Variants in DGKD observed in about 807,000 individuals in gnomAD.
DGKD encodes the protein DAG kinase delta.
A neutral mutation model predicts 154.4 loss-of-function variants in DGKD; 68 were observed. That is an observed-to-expected ratio of 0.44 (90% CI 0.36 to 0.54). DGKD has a LOEUF of 0.54. DGKD is among the 20% of genes least tolerant of loss of function. DGKD has a pLI of 0.00. For missense variants in DGKD, 1,343 were observed against 1,593.6 expected (o/e 0.84, Z 2.68); for synonymous variants, 693 against 638.0 (o/e 1.09, Z -1.30).
chr2:233,407,371 T>C (rs936454558), intron 3 of DGKD, among the ~76,000 whole-genome samples: 9 of 152,092 alleles, frequency 5.9e-5, no homozygotes, highest in African/African-American at 1.9e-4. Flanking sequence ...ACAGGAAAAA[T>C]AAAAGTTAAG....
rs1355268826 is a variant in DGKD, at chr2:233,440,263, TC to T, written c.1086-1621del. Among the ~76,000 whole-genome samples, 1 of 152,124 alleles carries T rather than the reference TC, an allele frequency of 6.6e-6. No individual in the cohort carries two copies. The highest frequency in any genetic ancestry group is 2.4e-5 in the African/African-American group (1 of 41,424). ...CCTGGCCTTGACCTGTCACCTCTTC[TC>T]CCGAGAGCAGGGGGCCTTACAGGTG... On this transcript the variant is annotated intron_variant, in intron 9 of 29. Transcript: ENST00000264057. This position sits in a 1 kb window ranked among gnomAD's most constrained non-coding sequence, Gnocchi z 4.9.
intron 8 of DGKD, 71 bp downstream of exon 8, chr2:233,437,550 C>G: frequency 1.4e-6 from 2 of 1,445,950 alleles, no homozygotes; most frequent in Non-Finnish European, 1.9e-6. Context: ...TTTCTCTTCT[C>G]CAGCTCTGGA....
In DGKD at chr2:233,436,419, G is replaced by A. The variant is rs777363824; in HGVS notation, c.797G>A (p.Arg266His). The A allele has an allele frequency of 1.5e-5, 24 of 1,613,276 alleles. No individual in the cohort carries two copies. The highest frequency in any genetic ancestry group is 1.9e-5 in the Non-Finnish European group (22 of 1,179,978). The change falls in exon 7 of 30, where the codon CGC becomes CAC. Residue 266 changes from arginine to histidine, a missense_variant. Coordinates refer to ENST00000264057, the MANE Select transcript of DGKD (RefSeq NM_152879.3). ...CGSVLRLQDWRCLWCKAMVHT... is the reference protein window; with the variant it reads ...CGSVLRLQDWHCLWCKAMVHT... Reference sequence around the variant, plus strand: ...AGTGTGCTGCGCCTGCAGGACTGGCGCTGCCTCTGGTGCAAGGCCATGGTG... The same window carrying A: ...AGTGTGCTGCGCCTGCAGGACTGGCACTGCCTCTGGTGCAAGGCCATGGTG...
rs373570294 is a variant in DGKD at position 233,467,201 on chromosome 2, C to T, written c.3422C>T (p.Pro1141Leu). 1.1e-5 allele frequency: 18 copies of T among 1,609,738 alleles called. No homozygotes were observed. Among genetic ancestry groups the T allele is most frequent in the South Asian group, 5.5e-5 (5 of 91,024 alleles). Residue 1141 changes from proline to leucine, a missense_variant and splice_region_variant, in exon 28 of 30, where the codon CCG (proline) becomes CTG (leucine). Physicochemically the swap from Pro to Leu is moderately conservative, Grantham distance 98 (BLOSUM62 -3). Coordinates refer to ENST00000264057, the MANE Select transcript of DGKD (RefSeq NM_152879.3). The stretch of plus-strand genomic sequence containing the variant: ...GAAGCTCACAGTAGCCTGGGAGCCC[C>T]GGGTACCTGCCTCTCTCCCGCGTGT... ...NKEAHSSLGA[P>L]VHLWGTEEVA...
intron 1 of DGKD, among the ~76,000 whole-genome samples, chr2:233,374,251 A>G (rs1156261714): frequency 1.3e-5 from 2 of 152,234 alleles, no homozygotes; most frequent in African/African-American, 2.4e-5. Context: ...GGGTTTCACC[A>G]TGTTGGCCAG....
intron 18 of DGKD, among the ~76,000 whole-genome samples, chr2:233,453,883 T>C (rs1345709671): frequency 6.6e-6 from 1 of 152,254 alleles, no homozygotes; most frequent in South Asian, 2.1e-4. Context: ...AGCCTTGTGC[T>C]GTGGGGCTGG....
intron 1 of DGKD, among the ~76,000 whole-genome samples, chr2:233,374,634 A>G (rs1352099395): frequency 1.4e-5 from 2 of 147,698 alleles, no homozygotes; most frequent in African/African-American, 2.5e-5. Flanking sequence ...AGCACCTGAC[A>G]ATTTTATTTT....
chr2:233,407,329 C>T (rs986002632), intron 3 of DGKD, among the ~76,000 whole-genome samples: 3 of 152,056 alleles, frequency 2.0e-5, no homozygotes, highest in Admixed American at 1.3e-4. Context: ...AAAAAGTTAT[C>T]CTTAAAAGTT....
At chr2:233,424,818 T>G (rs1424595481) in intron 3 of DGKD, among the ~76,000 whole-genome samples, 2 of 152,214 alleles carry the variant, frequency 1.3e-5, no homozygotes, top group African/African-American at 4.8e-5. Context: ...CGAGACCTTC[T>G]TTGTGCCTCG....
At position 233,357,447 on chromosome 2, in the gene DGKD, C is replaced by T. The variant is rs74355763; in HGVS notation, c.156+2773C>T. 2.1e-3 allele frequency among the ~76,000 whole-genome samples: 321 copies of T among 152,174 alleles called. 4 individuals are homozygous for T. The East Asian group carries it at 0.05, about 24-fold the overall frequency. ...AAATTTTAATGTGCAGACACATCTC[C>T]TAGGGATCCTGTTAAAATGATGATT... On this transcript the variant is annotated intron_variant, in intron 1 of 29. Transcript: ENST00000264057.
At chr2:233,415,326 A>G (rs566029159) in intron 3 of DGKD, among the ~76,000 whole-genome samples, 3 of 152,332 alleles carry the variant, frequency 2.0e-5, no homozygotes, top group African/African-American at 7.2e-5. Context: ...CATCTTGGTT[A>G]TGAGATGCCT....
Position 233,441,745 on chromosome 2 carries a change from C to T in DGKD, c.1086-142C>T, listed in dbSNP as rs564888054. ...CCCTGAGTGGAGGCGGCTGGTGTCA[C>T]GTGGCAGGGCCTGTGCGTGCTCTGC... On this transcript the variant is annotated intron_variant, in intron 9 of 29. Transcript: ENST00000264057. The surrounding 1 kb of genome is among the most constrained non-coding windows in gnomAD (Gnocchi z 5.6). 4.8e-5 allele frequency: 33 copies of T among 692,966 alleles called. No homozygotes were observed. The highest frequency in any genetic ancestry group is 3.2e-4 in the Middle Eastern group (1 of 3,124). The allele number at this position is 692,966 out of a possible 1,614,324, so 42.9% of individuals were successfully genotyped here.
At chr2:233,451,911 C>T (rs1180039989) in intron 17 of DGKD, 53 bp from the exon 18 acceptor site, 2 of 1,504,746 alleles carry the variant, frequency 1.3e-6, no homozygotes, top group Admixed American at 1.7e-5. Flanking sequence ...CGAGCTTCTC[C>T]TAAGGCTGTA....
In DGKD at chr2:233,457,148, G is replaced by A. The variant is rs1235180729; in HGVS notation, c.2473-73G>A. 2 of 1,369,214 alleles carry A rather than the reference G, an allele frequency of 1.5e-6. No homozygotes were observed. Among genetic ancestry groups the A allele is most frequent in the Non-Finnish European group, 2.0e-6 (2 of 992,168 alleles). The allele number at this position is 1,369,214 out of a possible 1,614,324, so 84.8% of individuals were successfully genotyped here. ...GCTGTGCTCCTGAGCCCCTGGCGGT[G>A]GGAAGCTGGTAGAGAAGGAGGGGCT... On this transcript the variant is annotated intron_variant, in intron 20 of 29. Coordinates refer to ENST00000264057, the MANE Select transcript of DGKD (RefSeq NM_152879.3). The surrounding 1 kb of genome is among the most constrained non-coding windows in gnomAD (Gnocchi z 5.5).
intron 3 of DGKD, among the ~76,000 whole-genome samples, chr2:233,430,555 C>T (rs1228422781): frequency 3.9e-5 from 6 of 152,130 alleles, no homozygotes; most frequent in Non-Finnish European, 8.8e-5. Flanking sequence ...ACCTTACTTT[C>T]TCTCTCTCTT....
At chr2:233,469,346 C>T in intron 29 of DGKD, 25 bp from the exon 30 acceptor site, 1 of 1,594,148 alleles carries the variant, frequency 6.3e-7, no homozygotes, top group Non-Finnish European at 8.6e-7. Context: ...TCTCGGCATC[C>T]ATGGCGGTGT....
chr2:233,400,871 A>C (rs772418000), intron 3 of DGKD, among the ~76,000 whole-genome samples: 8 of 152,030 alleles, frequency 5.3e-5, no homozygotes, highest in Non-Finnish European at 1.2e-4. Flanking sequence ...CTGATGCTAC[A>C]TGTTCAGTTG....
In DGKD at chr2:233,450,081, T is replaced by G; in HGVS notation, c.1988T>G (p.Leu663Arg). ...ATGGACCACAGAGTGTGCCCACCAC[T>G]GTCCCACAGCGAGAGCTTCGGGGTC... ...EKMDHRVCPP[L>R]SHSESFGVPK... is the part of the protein sequence containing the mutation. The change falls in exon 16 of 30, where the codon CTG (leucine) becomes CGG (arginine). Residue 663 changes from leucine (L) to arginine (R), a missense_variant. Leu to Arg is a moderately radical substitution (Grantham distance 102). This residue lies in a region of DGKD where 409 missense variants were observed against 446.0 expected (regional missense o/e 0.92). Coordinates refer to ENST00000264057, the MANE Select transcript of DGKD (RefSeq NM_152879.3). 1 of 1,613,888 alleles carries G rather than the reference T, an allele frequency of 6.2e-7. No individual in the cohort carries two copies. The highest frequency in any genetic ancestry group is 8.5e-7 in the Non-Finnish European group (1 of 1,179,884).
intron 6 of DGKD, 74 bp from the exon 7 acceptor site, chr2:233,436,239 CACA>C: frequency 6.3e-7 from 1 of 1,595,358 alleles, no homozygotes; most frequent in African/African-American, 1.3e-5. Flanking sequence ...TGGCTGAGTT[CACA>C]ACGAGCATTT....
Sources: allele counts gnomAD v4.1 joint callset (sites outside exome capture counted in the v4.1 genomes callset), GRCh38; gene constraint gnomAD v4.1.1; regional missense constraint gnomAD v4.1.1; non-coding constraint Gnocchi (gnomAD v3.1); transcripts MANE v1.5; gene names NCBI Gene and HGNC (gene_info 2026-07-23, HGNC 2026-07-21).